ANKRD28: variants seen among roughly 807,000 people sequenced by gnomAD.
ANKRD28 encodes ankyrin repeat domain 28.
Under a neutral mutation model 126.5 loss-of-function variants are expected in ANKRD28, and 44 were observed. The observed-to-expected ratio is 0.35, with a 90% CI of 0.27 to 0.45. ANKRD28 has a LOEUF of 0.45. Ranked by LOEUF, ANKRD28 falls within the 20% of genes least tolerant of loss-of-function variation. The probability of loss-of-function intolerance (pLI) is 1.00; values close to 1 mark genes in which losing one functional copy is unlikely to be tolerated. For missense variants in ANKRD28, 1,110 were observed against 1,316.6 expected (o/e 0.84, Z 2.43); for synonymous variants, 442 against 468.5 (o/e 0.94, Z 0.73).
rs1005799981 is a variant in ANKRD28 at position 15,681,258 on chromosome 3, CA to C, written c.2390-1696del. 2.5e-4 allele frequency among the ~76,000 whole-genome samples: 37 copies of C among 150,488 alleles called. 5 individuals carry two copies. Among genetic ancestry groups the C allele is most frequent in the Admixed American group, 9.9e-4 (15 of 15,122 alleles). On this transcript the variant is annotated intron_variant, in intron 21 of 27. Coordinates refer to ENST00000683139, the MANE Select transcript of ANKRD28 (RefSeq NM_001349278.2). ...TGTTGTATTGTTTAGGGAATAATGA[CA>C]AAAAAAAAGTCTGTACATGTTCAGC...
intron 1 of ANKRD28, among the ~76,000 whole-genome samples, chr3:15,819,217 G>A (rs1185338834): frequency 1.3e-5 from 2 of 152,310 alleles, no homozygotes; most frequent in Non-Finnish European, 2.9e-5. Flanking sequence ...GGTCAAAGCT[G>A]TAGTGAGCTG....
At chr3:15,676,265 T>A (rs545423738) in intron 26 of ANKRD28, 5 of 326,250 alleles carry the variant, frequency 1.5e-5, no homozygotes, top group South Asian at 2.9e-4. Context: ...TACTTTTCTT[T>A]TCAATGTTTA....
chr3:15,848,548 G>C (rs1190782539), intron 1 of ANKRD28, among the ~76,000 whole-genome samples: 1 of 152,020 alleles, frequency 6.6e-6, no homozygotes, highest in African/African-American at 2.4e-5. Context: ...AGTGGTGCAT[G>C]CCTGTGGTCC....
At chr3:15,746,768 T>C (rs2057504293) in intron 4 of ANKRD28, among the ~76,000 whole-genome samples, 1 of 152,326 alleles carries the variant, frequency 6.6e-6, no homozygotes, top group South Asian at 2.1e-4. Context: ...TCAATAGGAC[T>C]GGTACCAATT....
intron 6 of ANKRD28, 125 bp from the exon 7 acceptor site, chr3:15,724,649 A>C: frequency 1.1e-6 from 1 of 892,854 alleles, no homozygotes; most frequent in Non-Finnish European, 1.6e-6. Flanking sequence ...GTCATCAATG[A>C]ATCATGTTAA....
rs900379223 is a variant in ANKRD28 at position 15,753,892 on chromosome 3, C to T, written c.281-2072G>A. ...CCGGGAGGAAGAGGTTGCAGTGAGCCGAGATTGCACCACACACTCCAGCCT... is the reference window on the plus strand; with the variant it reads ...CCGGGAGGAAGAGGTTGCAGTGAGCTGAGATTGCACCACACACTCCAGCCT... On this transcript the variant is annotated intron_variant, in intron 3 of 27. Coordinates refer to ENST00000683139, the MANE Select transcript of ANKRD28 (RefSeq NM_001349278.2). Among the ~76,000 whole-genome samples, 32 of 151,986 alleles carry T rather than the reference C, an allele frequency of 2.1e-4. 1 individual carries two copies. Among genetic ancestry groups the T allele is most frequent in the African/African-American group, 7.5e-4 (31 of 41,366 alleles).
At chr3:15,717,880 C>A (rs1553605538) in intron 8 of ANKRD28, among the ~76,000 whole-genome samples, 5 of 152,096 alleles carry the variant, frequency 3.3e-5, no homozygotes, top group Non-Finnish European at 7.3e-5. Flanking sequence ...TTATTACAAA[C>A]TTAAATTCAC....
chr3:15,769,171 G>A (rs1261033976), intron 2 of ANKRD28, among the ~76,000 whole-genome samples: 2 of 152,170 alleles, frequency 1.3e-5, no homozygotes, highest in Non-Finnish European at 2.9e-5. Flanking sequence ...ATCTGTGTGT[G>A]AGGGATGTCT....
Position 15,792,772 on chromosome 3 carries a change from T to C in ANKRD28, c.201+2451A>G, listed in dbSNP as rs144992234. Among the ~76,000 whole-genome samples, 3 of 152,320 alleles carry C rather than the reference T, an allele frequency of 2.0e-5. No individual in the cohort carries two copies. In the East Asian group the frequency reaches 5.8e-4, roughly 29 times the overall value. On this transcript the variant is annotated intron_variant, in intron 2 of 27. Coordinates refer to ENST00000683139, the MANE Select transcript of ANKRD28 (RefSeq NM_001349278.2). ...GGGATGAATACCTAATTCTTCATGATATGATTATTTCACATTACATGCCTG... is the reference window on the plus strand; with the variant it reads ...GGGATGAATACCTAATTCTTCATGACATGATTATTTCACATTACATGCCTG...
At chr3:15,773,725 G>C (rs1386800497) in intron 2 of ANKRD28, among the ~76,000 whole-genome samples, 1 of 152,126 alleles carries the variant, frequency 6.6e-6, no homozygotes, top group African/African-American at 2.4e-5. Flanking sequence ...TTCATGAATT[G>C]GAAGACTCAC....
At chr3:15,802,498 T>C (rs992228216), upstream of ANKRD28, among the ~76,000 whole-genome samples, 2 of 152,180 alleles carry the variant, frequency 1.3e-5, no homozygotes, top group Non-Finnish European at 2.9e-5. Flanking sequence ...TATCTATGAG[T>C]GGACATATAT....
intron 2 of ANKRD28, among the ~76,000 whole-genome samples, chr3:15,772,461 G>A (rs185562733): frequency 4.9e-4 from 75 of 152,140 alleles, no homozygotes; most frequent in African/African-American, 1.7e-3. Flanking sequence ...CCCATCAACA[G>A]AGACATAAAT....
At chr3:15,698,799 A>C (rs2070081694) in intron 14 of ANKRD28, among the ~76,000 whole-genome samples, 1 of 152,232 alleles carries the variant, frequency 6.6e-6, no homozygotes, top group African/African-American at 2.4e-5. Flanking sequence ...CAATATTGTG[A>C]AAATGGCCAT....
chr3:15,791,166 T>C (rs1368151095), intron 2 of ANKRD28, among the ~76,000 whole-genome samples: 1 of 152,094 alleles, frequency 6.6e-6, no homozygotes, highest in Non-Finnish European at 1.5e-5. Flanking sequence ...GTTCATGGAT[T>C]GGGATGAATC....
chr3:15,833,918 T>C lies in ANKRD28; in HGVS notation c.27+25459A>G, dbSNP rs1171500558. 2.6e-5 allele frequency among the ~76,000 whole-genome samples: 4 copies of C among 152,182 alleles called. No individual in the cohort carries two copies. Among genetic ancestry groups the C allele is most frequent in the Non-Finnish European group, 5.9e-5 (4 of 68,040 alleles). On this transcript the variant is annotated intron_variant, in intron 1 of 27. Coordinates refer to the ANKRD28 transcript ENST00000399451. This position sits in a 1 kb window ranked among gnomAD's most constrained non-coding sequence, Gnocchi z 4.4. ...TTGGAAAATGTCTGTTTGTGTTATTTGCCCATTTTTTAATGTTTGTTTTTT... is the reference window on the plus strand; with the variant it reads ...TTGGAAAATGTCTGTTTGTGTTATTCGCCCATTTTTTAATGTTTGTTTTTT...
chr3:15,708,095 A>G (rs1284343772), intron 13 of ANKRD28, 31 bp from the exon 14 acceptor site: 1 of 1,575,324 alleles, frequency 6.3e-7, no homozygotes, highest in East Asian at 2.3e-5. Flanking sequence ...CAAGAAAGAT[A>G]AAAGCCAGAG....
chr3:15,765,564 G>A (rs1027346243), intron 3 of ANKRD28, among the ~76,000 whole-genome samples: 3 of 152,000 alleles, frequency 2.0e-5, no homozygotes, highest in South Asian at 2.1e-4. Context: ...CTATGTAGGC[G>A]GGCATGGTGG....
chr3:15,797,330 T>G lies in ANKRD28; in HGVS notation c.-809A>C, dbSNP rs1158679203. 2 of 985,270 alleles carry G rather than the reference T, an allele frequency of 2.0e-6. No individual in the cohort carries two copies. The highest frequency in any genetic ancestry group is 3.5e-5 in the African/African-American group (2 of 57,218). 61.0% of individuals were successfully genotyped at this position (985,270 alleles called of 1,614,324 possible). On this transcript the variant is annotated 5_prime_UTR_variant, in exon 1 of 28. Transcript: ENST00000683139. ...GAATACAGCTTGATTAATCCAGGTT[T>G]CCCATATAATAGAAGAAACACAGTT...
intron 27 of ANKRD28, among the ~76,000 whole-genome samples, chr3:15,673,392 C>T (rs930258362): frequency 4.6e-5 from 7 of 152,202 alleles, no homozygotes; most frequent in African/African-American, 1.2e-4. Flanking sequence ...CAAATATTCA[C>T]TGAGCCTCCA....
Sources: allele counts gnomAD v4.1 joint callset (sites outside exome capture counted in the v4.1 genomes callset), GRCh38; gene constraint gnomAD v4.1.1; non-coding constraint Gnocchi (gnomAD v3.1); transcripts MANE v1.5; gene names NCBI Gene and HGNC (gene_info 2026-07-23, HGNC 2026-07-21).